TOP1: variants seen among roughly 807,000 people sequenced by gnomAD.
TOP1 encodes DNA topoisomerase 1.
In TOP1, 10 loss-of-function variants were observed where a neutral mutation model predicts 111.1. The ratio of observed to expected loss-of-function variants is 0.09; its 90% confidence interval spans 0.06 to 0.15. The LOEUF is 0.15. Among genes scored for constraint, TOP1 ranks in the 10% least tolerant of loss-of-function variants. The probability of loss-of-function intolerance (pLI) is 1.00; values close to 1 mark genes in which losing one functional copy is unlikely to be tolerated. For missense variants in TOP1, 474 were observed against 926.7 expected, an observed-to-expected ratio of 0.51 and a Z score of 6.34; for synonymous variants, 271 against 302.9, an observed-to-expected ratio of 0.89 and a Z score of 1.10.
Position 41,076,163 on chromosome 20 carries a change from T to C in TOP1, c.156-8T>C, listed in dbSNP as rs1422136007. The C allele has an allele frequency of 1.2e-6, 2 of 1,606,034 alleles. No individual in the cohort carries two copies. The highest frequency in any genetic ancestry group is 1.7e-6 in the Non-Finnish European group (2 of 1,177,052). ...TGGGCTAACGCTTTGTGACTTAACT[T>C]TTTACAGTGAACATAAAGATTCTGA... On this transcript the variant is annotated splice_polypyrimidine_tract_variant and splice_region_variant and intron_variant, in intron 3 of 20. Coordinates refer to ENST00000361337, the MANE Select transcript of TOP1 (RefSeq NM_003286.4).
rs960556402 is a variant in TOP1, at chr20:41,029,373, C to T, written c.34-58C>T. On this transcript the variant is annotated intron_variant, in intron 1 of 20. Coordinates refer to ENST00000361337, the MANE Select transcript of TOP1 (RefSeq NM_003286.4). This position sits in a 1 kb window ranked among gnomAD's most constrained non-coding sequence, Gnocchi z 6.1. ...GAGCCAGACCCCGGCCGCGCGCGCT[C>T]GCCGCCGGAGGGGTTAAAGTGGCTG... 2.9e-5 allele frequency: 41 copies of T among 1,421,848 alleles called. No homozygotes were observed. Among genetic ancestry groups the T allele is most frequent in the Non-Finnish European group, 3.5e-5 (38 of 1,081,738 alleles). The allele number at this position is 1,421,848 out of a possible 1,614,324, so 88.1% of individuals were successfully genotyped here. A position where few individuals can be genotyped will look rare whatever the true frequency, so the allele number is the denominator to read the frequency against.
chr20:41,069,459 G>T lies in TOP1; in HGVS notation c.156-6712G>T, dbSNP rs1290340505. On this transcript the variant is annotated intron_variant, in intron 3 of 20. Transcript: ENST00000361337. This position sits in a 1 kb window ranked among gnomAD's most constrained non-coding sequence, Gnocchi z 4.1. ...TAGCACACTAAGATAAAAGTTAAGAGGCTGGGTTCTGTCATTTATAAGCTA... is the reference window on the plus strand; with the variant it reads ...TAGCACACTAAGATAAAAGTTAAGATGCTGGGTTCTGTCATTTATAAGCTA... Among the ~76,000 whole-genome samples, 1 of 152,182 alleles carries T rather than the reference G, an allele frequency of 6.6e-6. No homozygotes were observed. The highest frequency in any genetic ancestry group is 6.5e-5 in the Admixed American group (1 of 15,276).
intron 3 of TOP1, among the ~76,000 whole-genome samples, chr20:41,070,568 T>C (rs1244215265): frequency 6.6e-6 from 1 of 152,220 alleles, no homozygotes; most frequent in Non-Finnish European, 1.5e-5. Flanking sequence ...TTAACAAATA[T>C]CATTTAAGAT....
chr20:41,096,674 A>G (rs1207000819), intron 9 of TOP1, among the ~76,000 whole-genome samples: 4 of 152,236 alleles, frequency 2.6e-5, no homozygotes, highest in Admixed American at 1.3e-4. Context: ...TAGGCTTTTC[A>G]TATGGGAAAT....
chr20:41,050,638 C>G (rs2033393910), intron 2 of TOP1, among the ~76,000 whole-genome samples: 2 of 152,204 alleles, frequency 1.3e-5, no homozygotes, highest in African/African-American at 4.8e-5. Flanking sequence ...ATATGCCCTT[C>G]CCTCTCCCCT....
Position 41,056,102 on chromosome 20 carries a change from C to T in TOP1, c.59-5292C>T, listed in dbSNP as rs1026859272. On this transcript the variant is annotated intron_variant, in intron 2 of 20. Transcript: ENST00000361337. Reference sequence around the variant, plus strand: ...TCCCTTGGTGCTCCCCCAACCACCACCACCAGAGAGTATTATAAGCAAATT... The same window carrying T: ...TCCCTTGGTGCTCCCCCAACCACCATCACCAGAGAGTATTATAAGCAAATT... 3.0e-4 allele frequency among the ~76,000 whole-genome samples: 46 copies of T among 152,212 alleles called. 1 individual carries two copies. Among genetic ancestry groups the T allele is most frequent in the Admixed American group, 2.4e-3 (37 of 15,286 alleles).
rs1256896539 is a variant in TOP1 at position 41,118,334 on chromosome 20, G to A, written c.1950+38G>A. 2 of 1,607,812 alleles carry A rather than the reference G, an allele frequency of 1.2e-6. No individual in the cohort carries two copies. The highest frequency in any genetic ancestry group is 2.2e-5 in the South Asian group (2 of 90,706). On this transcript the variant is annotated intron_variant, in intron 18 of 20. Coordinates refer to ENST00000361337, the MANE Select transcript of TOP1 (RefSeq NM_003286.4). The surrounding 1 kb of genome is among the most constrained non-coding windows in gnomAD (Gnocchi z 4.6). ...AAATGAAGGGAACTGTGTCTGCTGT[G>A]GGCAGATTATCTGCGAATGAGAGGA...
At position 41,123,369 on chromosome 20, in the gene TOP1, C is replaced by CT; in HGVS notation, c.*74dup. Reference sequence around the variant, plus strand: ...GGAAAGATGGATAAACTGAGCCTCACTTGCCCTCGTGCCTGGGGGAGAGAG... The same window carrying CT: ...GGAAAGATGGATAAACTGAGCCTCACTTTGCCCTCGTGCCTGGGGGAGAGAG... On this transcript the variant is annotated 3_prime_UTR_variant, in exon 21 of 21. Transcript: ENST00000361337. This position sits in a 1 kb window ranked among gnomAD's most constrained non-coding sequence, Gnocchi z 5.8. 3 of 1,142,684 alleles carry CT rather than the reference C, an allele frequency of 2.6e-6. No individual in the cohort carries two copies. The highest frequency in any genetic ancestry group is 3.9e-6 in the Non-Finnish European group (3 of 768,570). 70.8% of individuals were successfully genotyped at this position (1,142,684 alleles called of 1,614,324 possible). A position where few individuals can be genotyped will look rare whatever the true frequency, so the allele number is the denominator to read the frequency against.
chr20:41,062,210 T>G (rs1489647009), intron 3 of TOP1, among the ~76,000 whole-genome samples: 2 of 152,228 alleles, frequency 1.3e-5, no homozygotes, highest in Admixed American at 6.5e-5. Flanking sequence ...AGCCATATGG[T>G]ATTCCCATTC....
At position 41,123,329 on chromosome 20, in the gene TOP1, G is replaced by A; in HGVS notation, c.*32G>A. 1.3e-6 allele frequency: 2 copies of A among 1,517,992 alleles called. No homozygotes were observed. The highest frequency in any genetic ancestry group is 1.8e-6 in the Non-Finnish European group (2 of 1,093,530). 94.0% of individuals were successfully genotyped at this position (1,517,992 alleles called of 1,614,324 possible). On this transcript the variant is annotated 3_prime_UTR_variant, in exon 21 of 21. Coordinates refer to ENST00000361337, the MANE Select transcript of TOP1 (RefSeq NM_003286.4). The surrounding 1 kb of genome is among the most constrained non-coding windows in gnomAD (Gnocchi z 5.8). ...TCAAGAGGCAGAGTTCTGTGAAGAG[G>A]AACAGTGTGGTTTGGGAAAGATGGA...
At position 41,046,486 on chromosome 20, in the gene TOP1, T is replaced by C. The variant is rs187108976; in HGVS notation, c.59-14908T>C. On this transcript the variant is annotated intron_variant, in intron 2 of 20. Coordinates refer to ENST00000361337, the MANE Select transcript of TOP1 (RefSeq NM_003286.4). The surrounding 1 kb of genome is among the most constrained non-coding windows in gnomAD (Gnocchi z 4.3). The stretch of plus-strand genomic sequence containing the variant: ...TTACCCATCAGACTGGGGGCGCCCA[T>C]CTCTTCACTTATGATGTGTCCTTAA... Among the ~76,000 whole-genome samples the C allele has an allele frequency of 6.6e-6, 1 of 152,206 alleles. No homozygotes were observed. The highest frequency in any genetic ancestry group is 1.5e-5 in the Non-Finnish European group (1 of 68,026).
chr20:41,062,332 A>G (rs781326017), intron 3 of TOP1, among the ~76,000 whole-genome samples: 1 of 152,230 alleles, frequency 6.6e-6, no homozygotes, highest in African/African-American at 2.4e-5. Context: ...GATTGTCTGT[A>G]GACAAGTTAA....
Position 41,092,957 on chromosome 20 carries a change from A to G in TOP1, c.730+370A>G, listed in dbSNP as rs1441708343. 6.6e-6 allele frequency among the ~76,000 whole-genome samples: 1 copy of G among 152,252 alleles called. No homozygotes were observed. The highest frequency in any genetic ancestry group is 1.5e-5 in the Non-Finnish European group (1 of 68,036). On this transcript the variant is annotated intron_variant, in intron 9 of 20. Coordinates refer to ENST00000361337, the MANE Select transcript of TOP1 (RefSeq NM_003286.4). The surrounding 1 kb of genome is among the most constrained non-coding windows in gnomAD (Gnocchi z 4.3). Reference sequence around the variant, plus strand: ...AATGGTAGTATTTTATGTTAGCAATATAACAATGCAATCGGACAAGCTGCT... The same window carrying G: ...AATGGTAGTATTTTATGTTAGCAATGTAACAATGCAATCGGACAAGCTGCT...
chr20:41,061,571 T>TCTG lies in TOP1; in HGVS notation c.155+81_155+82insCTG. On this transcript the variant is annotated intron_variant, in intron 3 of 20. Coordinates refer to ENST00000361337, the MANE Select transcript of TOP1 (RefSeq NM_003286.4). This position sits in a 1 kb window ranked among gnomAD's most constrained non-coding sequence, Gnocchi z 4.6. The stretch of plus-strand genomic sequence containing the variant: ...TGGCTTACCTGGAATAGGTCTTAAC[T>TCTG]TGAGCTACATGTAAAGATAGCAAAG... 8.5e-7 allele frequency: 1 copy of TCTG among 1,171,112 alleles called. No homozygotes were observed. The highest frequency in any genetic ancestry group is 1.2e-6 in the Non-Finnish European group (1 of 814,884). 72.5% of individuals were successfully genotyped at this position (1,171,112 alleles called of 1,614,324 possible).
intron 2 of TOP1, among the ~76,000 whole-genome samples, chr20:41,040,631 C>T (rs1038054225): frequency 2.0e-5 from 3 of 151,780 alleles, no homozygotes; most frequent in Admixed American, 1.3e-4. Context: ...TAAAAAAAAC[C>T]TCATCTCTAC....
chr20:41,092,431 C>G lies in TOP1; in HGVS notation c.615-41C>G. ...AATCAGTGATGATCCCCATGTTAGA[C>G]AAGGCGATCACTAAATGAGGCTGTG... On this transcript the variant is annotated intron_variant, in intron 8 of 20. Transcript: ENST00000361337. The surrounding 1 kb of genome is among the most constrained non-coding windows in gnomAD (Gnocchi z 4.3). 1 of 988,760 alleles carries G rather than the reference C, an allele frequency of 1.0e-6. No individual in the cohort carries two copies. The highest frequency in any genetic ancestry group is 1.6e-5 in the South Asian group (1 of 61,036). 61.2% of individuals were successfully genotyped at this position (988,760 alleles called of 1,614,324 possible).
At chr20:41,089,118 G>A (rs2033886863) in intron 8 of TOP1, among the ~76,000 whole-genome samples, 1 of 145,546 alleles carries the variant, frequency 6.9e-6, no homozygotes, top group African/African-American at 2.6e-5. Flanking sequence ...TTCGCCTCCT[G>A]GGTTCAAGCA....
At chr20:41,111,303 T>C (rs1258091120) in intron 13 of TOP1, among the ~76,000 whole-genome samples, 4 of 152,178 alleles carry the variant, frequency 2.6e-5, no homozygotes, top group Admixed American at 2.6e-4. Flanking sequence ...ATCTCACCTT[T>C]TCTTATTCAC....
rs1210724497 is a variant in TOP1 at position 41,071,902 on chromosome 20, T to G, written c.156-4269T>G. Among the ~76,000 whole-genome samples the G allele has an allele frequency of 6.6e-6, 1 of 152,200 alleles. No individual in the cohort carries two copies. Among genetic ancestry groups the G allele is most frequent in the East Asian group, 1.9e-4 (1 of 5,200 alleles). ...GCCCATGGGGTAAATTCATATTTCATCCATAAGTGTGACCATTGCAGAAGT... is the reference window on the plus strand; with the variant it reads ...GCCCATGGGGTAAATTCATATTTCAGCCATAAGTGTGACCATTGCAGAAGT... On this transcript the variant is annotated intron_variant, in intron 3 of 20. Coordinates refer to ENST00000361337, the MANE Select transcript of TOP1 (RefSeq NM_003286.4). The surrounding 1 kb of genome is among the most constrained non-coding windows in gnomAD (Gnocchi z 4.3).
Sources: allele counts gnomAD v4.1 joint callset (sites outside exome capture counted in the v4.1 genomes callset), GRCh38; gene constraint gnomAD v4.1.1; non-coding constraint Gnocchi (gnomAD v3.1); transcripts MANE v1.5; gene names NCBI Gene and HGNC (gene_info 2026-07-23, HGNC 2026-07-21).